The following GTF2H1 variants were observed in gnomAD, a reference collection of about 807,000 sequenced individuals.
GTF2H1 encodes BTF2 p62.
Under a neutral mutation model 71.2 loss-of-function variants are expected in GTF2H1, and 16 were observed. The observed-to-expected ratio is 0.22, with a 90% confidence interval of 0.15 to 0.34. The LOEUF (loss-of-function observed/expected upper bound fraction) is 0.34. Among genes scored for constraint, GTF2H1 ranks in the 10% least tolerant of loss-of-function variants. GTF2H1 has a pLI of 1.00. For synonymous variants in GTF2H1, 215 were observed against 219.0 expected (o/e 0.98, Z 0.16); for missense variants, 498 against 648.2 (o/e 0.77, Z 2.52).
intron 3 of GTF2H1, among the ~76,000 whole-genome samples, chr11:18,336,450 A>G (rs1865031350): frequency 6.6e-6 from 1 of 151,992 alleles, no homozygotes; most frequent in South Asian, 2.1e-4. Flanking sequence ...TTTTGCTATG[A>G]TACTGTAATG....
chr11:18,322,955 A>C (rs563628444), intron 1 of GTF2H1, among the ~76,000 whole-genome samples: 15 of 152,244 alleles, frequency 9.9e-5, no homozygotes, highest in African/African-American at 3.6e-4. Flanking sequence ...CCTGCTCTTA[A>C]ATTGAGAGCA....
chr11:18,323,310 T>C (rs1864598903), intron 1 of GTF2H1, among the ~76,000 whole-genome samples: 1 of 152,142 alleles, frequency 6.6e-6, no homozygotes, highest in Non-Finnish European at 1.5e-5. Flanking sequence ...CTTATTTTTT[T>C]TTAAGAGACA....
intron 11 of GTF2H1, among the ~76,000 whole-genome samples, chr11:18,354,787 C>A (rs888695302): frequency 2.6e-5 from 4 of 152,108 alleles, no homozygotes; most frequent in Middle Eastern, 3.4e-3. Context: ...CTGTTGCTAT[C>A]TTTTTTTCTT....
chr11:18,334,865 C>T (rs1864987375), intron 2 of GTF2H1, among the ~76,000 whole-genome samples: 1 of 152,162 alleles, frequency 6.6e-6, no homozygotes, highest in Non-Finnish European at 1.5e-5. Flanking sequence ...ACCATTATCA[C>T]ACTGAAAACA....
At chr11:18,341,918 T>A in intron 7 of GTF2H1, 1 of 194,320 alleles carries the variant, frequency 5.1e-6, no homozygotes, top group East Asian at 1.4e-4. Context: ...TAACATTTAA[T>A]CTAAAGAAAT....
At chr11:18,361,690 G>A (rs1293494476) in intron 14 of GTF2H1, among the ~76,000 whole-genome samples, 2 of 152,140 alleles carry the variant, frequency 1.3e-5, no homozygotes, top group African/African-American at 2.4e-5. Flanking sequence ...CAATCTATGT[G>A]TATGTTCTGA....
intron 4 of GTF2H1, among the ~76,000 whole-genome samples, chr11:18,338,499 A>G (rs1865085001): frequency 6.6e-6 from 1 of 152,166 alleles, no homozygotes; most frequent in South Asian, 2.1e-4. Context: ...ACTGGAGTGC[A>G]GTGGCACAGT....
In GTF2H1 at chr11:18,366,700, A is replaced by G. The variant is rs946978582; in HGVS notation, c.*831A>G. 4.6e-5 allele frequency: 7 copies of G among 152,520 alleles called. No homozygotes were observed. Among genetic ancestry groups the G allele is most frequent in the Non-Finnish European group, 8.8e-5 (6 of 68,024 alleles). 9.4% of individuals were successfully genotyped at this position (152,520 alleles called of 1,614,324 possible). On this transcript the variant is annotated 3_prime_UTR_variant, in exon 15 of 15. Transcript: ENST00000265963. ...ATTGCTAAGATTTTTTTAAGATGGC[A>G]TGTGCTTTGAAAAGAAGATATTGCA...
At chr11:18,323,826 C>T (rs748025337) in intron 1 of GTF2H1, among the ~76,000 whole-genome samples, 2 of 152,178 alleles carry the variant, frequency 1.3e-5, no homozygotes, top group African/African-American at 2.4e-5. Context: ...CTGAACTGGA[C>T]TTAGGTAATT....
intron 2 of GTF2H1, among the ~76,000 whole-genome samples, chr11:18,335,273 A>T (rs1838888504): frequency 6.6e-6 from 1 of 152,212 alleles, no homozygotes; most frequent in South Asian, 2.1e-4. Flanking sequence ...AAGTTTGATA[A>T]CTTTATTAAA....
chr11:18,363,974 T>C (rs1300711854), intron 14 of GTF2H1, among the ~76,000 whole-genome samples: 1 of 151,938 alleles, frequency 6.6e-6, no homozygotes, highest in Non-Finnish European at 1.5e-5. Flanking sequence ...CTCGGGAAGT[T>C]GAGACAGGAG....
intron 12 of GTF2H1, 22 bp downstream of exon 12, chr11:18,358,064 A>G (rs759299663): frequency 1.9e-6 from 3 of 1,546,860 alleles, no homozygotes; most frequent in Non-Finnish European, 2.7e-6. Flanking sequence ...GCCATCTTCT[A>G]CTACTTTCTG....
chr11:18,347,434 T>C, intron 7 of GTF2H1, 154 bp from the exon 8 acceptor site: 1 of 564,562 alleles, frequency 1.8e-6, no homozygotes, highest in East Asian at 2.9e-5. Context: ...ATGTGCATAA[T>C]GTCACTTGTT....
intron 2 of GTF2H1, among the ~76,000 whole-genome samples, chr11:18,334,096 A>G (rs1477340833): frequency 6.6e-6 from 1 of 152,020 alleles, no homozygotes; most frequent in Admixed American, 6.6e-5. Context: ...ACAAAAATTA[A>G]GGGCCGGGCG....
At chr11:18,362,921 G>A (rs1865738647) in intron 14 of GTF2H1, among the ~76,000 whole-genome samples, 2 of 151,724 alleles carry the variant, frequency 1.3e-5, no homozygotes, top group Non-Finnish European at 2.9e-5. Context: ...CACCCACCTC[G>A]GCCTCACAAA....
Position 18,337,122 on chromosome 11 carries a change from G to A in GTF2H1, c.348-987G>A, listed in dbSNP as rs1865046234. On this transcript the variant is annotated intron_variant, in intron 3 of 14. Coordinates refer to ENST00000265963, the MANE Select transcript of GTF2H1 (RefSeq NM_005316.4). ...CAGTGCTTATATCTGTGCATGCTTA[G>A]CGCCATGAAAAATCCATTGCTGAAG... 2.0e-5 allele frequency among the ~76,000 whole-genome samples: 3 copies of A among 152,092 alleles called. No individual in the cohort carries two copies. The South Asian group carries it at 6.2e-4, about 32-fold the overall frequency.
At chr11:18,347,429 C>A in intron 7 of GTF2H1, 159 bp from the exon 8 acceptor site, 1 of 555,328 alleles carries the variant, frequency 1.8e-6, no homozygotes, top group Non-Finnish European at 3.2e-6. Context: ...CTTTTATGTG[C>A]ATAATGTCAC....
At chr11:18,337,616 C>T (rs373044267) in intron 3 of GTF2H1, among the ~76,000 whole-genome samples, 17 of 151,792 alleles carry the variant, frequency 1.1e-4, no homozygotes, top group East Asian at 7.7e-4. Flanking sequence ...AATAACAGTA[C>T]GATAATTAAA....
At chr11:18,341,736 T>A in intron 7 of GTF2H1, 129 bp downstream of exon 7, 2 of 585,346 alleles carry the variant, frequency 3.4e-6, no homozygotes, top group South Asian at 5.0e-5. Context: ...CTTGAAGTGA[T>A]TTATCGGAAG....
Sources: allele counts gnomAD v4.1 joint callset (sites outside exome capture counted in the v4.1 genomes callset), GRCh38; gene constraint gnomAD v4.1.1; transcripts MANE v1.5; gene names NCBI Gene and HGNC (gene_info 2026-07-23, HGNC 2026-07-21).